COL2A1: variants seen among roughly 807,000 people sequenced by gnomAD.
The protein encoded by COL2A1 is collagen alpha-1(II) chain.
A neutral mutation model predicts 204.5 loss-of-function variants in COL2A1; 28 were observed. The observed-to-expected ratio is 0.14, with a 90% CI of 0.10 to 0.19. COL2A1 has a LOEUF of 0.19. Ranked by LOEUF, COL2A1 falls within the 10% of genes least tolerant of loss-of-function variation. COL2A1 has a pLI of 1.00. For synonymous variants in COL2A1, 708 were observed against 718.7 expected, an observed-to-expected ratio of 0.99 and a Z score of 0.24; for missense variants, 1,388 against 2,027.5, an observed-to-expected ratio of 0.68 and a Z score of 6.06.
In COL2A1 at chr12:47,991,635, C is replaced by T. The variant is rs575680505; in HGVS notation, c.1023+1243G>A. 8.5e-5 allele frequency among the ~76,000 whole-genome samples: 13 copies of T among 152,302 alleles called. No homozygotes were observed. In the South Asian group the frequency reaches 2.7e-3, roughly 32 times the overall value. ...GCCAAATCCTACACACGCTGCCAGC[C>T]TAACTACCGTGCGGACAGGAACCAA... On this transcript the variant is annotated intron_variant, in intron 16 of 53. Transcript: ENST00000380518.
Position 47,972,989 on chromosome 12 carries a change from T to C in COL2A1, c.*418A>G. 2.0e-6 allele frequency: 1 copy of C among 497,260 alleles called. No individual in the cohort carries two copies. The highest frequency in any genetic ancestry group is 3.5e-6 in the Non-Finnish European group (1 of 284,646). 30.8% of individuals were successfully genotyped at this position (497,260 alleles called of 1,614,324 possible). ...ATGTACTTTCCAATAATCTTTTCAT[T>C]TTTAATATCAATTGATGTTTTAAAA... On this transcript the variant is annotated 3_prime_UTR_variant, in exon 54 of 54. Transcript: ENST00000380518.
Position 47,985,927 on chromosome 12 carries a change from A to G in COL2A1, c.1566T>C (p.Gly522=). 1 of 1,552,248 alleles carries G rather than the reference A, an allele frequency of 6.4e-7. No homozygotes were observed. The highest frequency in any genetic ancestry group is 1.4e-5 in the African/African-American group (1 of 73,168). Residue 522 remains glycine, a synonymous_variant, in exon 24 of 54, where the codon GGT becomes GGC. Transcript: ENST00000380518. ...TCCCACTCACCTTGGGACCTGCCAG[A>G]CCATCTTGACCTGGGAAACCGCGGT... is the stretch of plus-strand genomic sequence containing the variant. ...PGNRGFPGQD[G]LAGPKGAPGE...
chr12:47,977,478 G>A, intron 45 of COL2A1, 51 bp from the exon 46 acceptor site: 1 of 1,584,174 alleles, frequency 6.3e-7, no homozygotes, highest in South Asian at 1.1e-5. Flanking sequence ...AGAAGAGACA[G>A]GAACAGAAGG....
At chr12:47,997,949 T>G (rs1940040351) in intron 5 of COL2A1, 25 bp from the exon 6 acceptor site, 1 of 1,614,018 alleles carries the variant, frequency 6.2e-7, no homozygotes, top group Admixed American at 1.7e-5. Context: ...CATGGTAAGA[T>G]GACAGCAAGG....
At chr12:47,983,657 A>G in intron 30 of COL2A1, 26 bp downstream of exon 30, 2 of 1,588,694 alleles carry the variant, frequency 1.3e-6, no homozygotes, top group Non-Finnish European at 1.7e-6. Context: ...AAAGGACTGC[A>G]CAGAGAGCCT....
Position 47,980,788 on chromosome 12 carries a change from T to C in COL2A1, c.2517+127A>G. On this transcript the variant is annotated intron_variant, in intron 38 of 53. Transcript: ENST00000380518. The surrounding 1 kb of genome is among the most constrained non-coding windows in gnomAD (Gnocchi z 4.5). The stretch of plus-strand genomic sequence containing the variant: ...GGTCTGGACATGATGGTTCTATTAG[T>C]ATGGAGGCGGGAAAGGAGAGGAGAG... 2.2e-6 allele frequency: 3 copies of C among 1,388,200 alleles called. No homozygotes were observed. Among genetic ancestry groups the C allele is most frequent in the South Asian group, 1.2e-5 (1 of 80,816 alleles). The allele number at this position is 1,388,200 out of a possible 1,614,324, so 86.0% of individuals were successfully genotyped here. A position where few individuals can be genotyped will look rare whatever the true frequency, so the allele number is the denominator to read the frequency against.
In COL2A1 at chr12:47,997,559, C is replaced by T. The variant is rs377162527; in HGVS notation, c.531+47G>A. The T allele has an allele frequency of 1.9e-6, 3 of 1,613,484 alleles. No homozygotes were observed. The African/African-American group carries it at 4.0e-5, about 22-fold the overall frequency. ...AGTGCAAGCAGCAATTTAAAAGCCA[C>T]ATTTCTGGAGGGACAGCCTGAAGGA... On this transcript the variant is annotated intron_variant, in intron 7 of 53. Transcript: ENST00000380518.
chr12:47,999,423 T>G (rs1488507019), intron 2 of COL2A1, among the ~76,000 whole-genome samples: 1 of 152,160 alleles, frequency 6.6e-6, no homozygotes, highest in African/African-American at 2.4e-5. Flanking sequence ...CTACCACCAA[T>G]GTTCCATAAC....
At position 47,980,514 on chromosome 12, in the gene COL2A1, T is replaced by C. The variant is rs1034707112; in HGVS notation, c.2625+40A>G. Reference sequence around the variant, plus strand: ...CTTCCCATCTGCACGCCAGGAGCCCTTCCTTGAGGGAACAATTCTTGGAGT... The same window carrying C: ...CTTCCCATCTGCACGCCAGGAGCCCCTCCTTGAGGGAACAATTCTTGGAGT... On this transcript the variant is annotated intron_variant, in intron 39 of 53. Transcript: ENST00000380518. This position sits in a 1 kb window ranked among gnomAD's most constrained non-coding sequence, Gnocchi z 4.5. The C allele has an allele frequency of 5.2e-6, 8 of 1,542,058 alleles. No individual in the cohort carries two copies. The highest frequency in any genetic ancestry group is 7.1e-6 in the Non-Finnish European group (8 of 1,132,562).
Position 47,994,013 on chromosome 12 carries a change from G to A in COL2A1, c.851C>T (p.Pro284Leu), listed in dbSNP as rs1939829866. 1 of 1,613,988 alleles carries A rather than the reference G, an allele frequency of 6.2e-7. No homozygotes were observed. Reference protein sequence around the residue: ...ARGFPGTPGLPGVKGHRGYPG... With the variant: ...ARGFPGTPGLLGVKGHRGYPG... ...ACTTACTCTGTGACCTTTGACACCAGGAAGGCCTGGGGTTCCTGGGAAACC... is the reference window on the plus strand; with the variant it reads ...ACTTACTCTGTGACCTTTGACACCAAGAAGGCCTGGGGTTCCTGGGAAACC... Residue 284 changes from proline (P) to leucine (L), a missense_variant, in exon 13 of 54, where the codon CCT (proline) becomes CTT (leucine). By Grantham distance (98) the Pro-to-Leu change is moderately conservative (BLOSUM62 -3). Transcript: ENST00000380518.
intron 23 of COL2A1, 43 bp downstream of exon 23, chr12:47,986,293 A>G: frequency 7.7e-7 from 1 of 1,299,252 alleles, no homozygotes; most frequent in Non-Finnish European, 1.1e-6. Flanking sequence ...TTCCCTCTCG[A>G]GGTCACAGGC....
rs1236806687 is a variant in COL2A1, at chr12:47,985,229, T to A, written c.1735-136A>T. On this transcript the variant is annotated intron_variant, in intron 26 of 53. Transcript: ENST00000380518. ...TGCTCAGCATCTAGGATTGACCACA[T>A]CACACCCATGGGCCCATCTACAACA... 4 of 764,132 alleles carry A rather than the reference T, an allele frequency of 5.2e-6. No homozygotes were observed. In the African/African-American group the frequency reaches 6.9e-5, roughly 13 times the overall value. The allele number at this position is 764,132 out of a possible 1,614,324, so 47.3% of individuals were successfully genotyped here.
intron 33 of COL2A1, 73 bp from the exon 34 acceptor site, chr12:47,982,682 T>A: frequency 7.6e-7 from 1 of 1,323,602 alleles, no homozygotes; most frequent in Non-Finnish European, 1.1e-6. Flanking sequence ...GGAGCCTGGG[T>A]AACCAGGGCC....
Position 47,974,153 on chromosome 12 carries a change from T to A in COL2A1, c.4253A>T (p.Asp1418Val). 6.2e-7 allele frequency: 1 copy of A among 1,614,158 alleles called. No homozygotes were observed. Among genetic ancestry groups the A allele is most frequent in the Non-Finnish European group, 8.5e-7 (1 of 1,180,016 alleles). The change falls in exon 53 of 54, where the codon GAC becomes GTC. Residue 1418 changes from aspartate to valine, a missense_variant. Asp to Val is a radical substitution (Grantham distance 152, BLOSUM62 -3). Coordinates refer to ENST00000380518, the MANE Select transcript of COL2A1 (RefSeq NM_001844.5). ...ATTGCCCTCTGCCCGGATCTCCACGTCATTGGAGCCCTGGATGAGCAGGGC... is the reference window on the plus strand; with the variant it reads ...ATTGCCCTCTGCCCGGATCTCCACGACATTGGAGCCCTGGATGAGCAGGGC... ...KKALLIQGSN[D>V]VEIRAEGNSR...
At chr12:47,984,917 A>T in intron 27 of COL2A1, 78 bp downstream of exon 27, 1 of 1,232,872 alleles carries the variant, frequency 8.1e-7, no homozygotes, top group Non-Finnish European at 1.2e-6. Flanking sequence ...TCTACTCAGG[A>T]CCCAGCCCTT....
At chr12:47,989,842 A>G in intron 16 of COL2A1, 37 bp from the exon 17 acceptor site, 3 of 1,605,928 alleles carry the variant, frequency 1.9e-6, no homozygotes, top group Non-Finnish European at 2.6e-6. Flanking sequence ...AGAGGTGCCC[A>G]CAGGCCCTGT....
intron 40 of COL2A1, 66 bp from the exon 41 acceptor site, chr12:47,979,630 G>T: frequency 5.1e-6 from 3 of 583,554 alleles, no homozygotes; most frequent in East Asian, 3.9e-5. Context: ...TAAAATGGGC[G>T]GGGGGCGGGG....
chr12:47,974,178 C>A lies in COL2A1; in HGVS notation c.4228G>T (p.Ala1410Ser). The change falls in exon 53 of 54, where the codon GCC becomes TCC. Residue 1410 changes from alanine (A) to serine (S), a missense_variant. Transcript: ENST00000380518. ...TCATTGGAGCCCTGGATGAGCAGGG[C>A]CTTCTTGAGGTTGCCAGCTGCTTCG... ...LDEAAGNLKK[A>S]LLIQGSNDVE... The A allele has an allele frequency of 6.2e-7, 1 of 1,614,244 alleles. No individual in the cohort carries two copies. The highest frequency in any genetic ancestry group is 8.5e-7 in the Non-Finnish European group (1 of 1,180,054).
chr12:47,994,630 G>A (rs1409801683), intron 11 of COL2A1, among the ~76,000 whole-genome samples, 153 bp from the exon 12 acceptor site: 1 of 152,224 alleles, frequency 6.6e-6, no homozygotes. Flanking sequence ...GTGCCTGGAT[G>A]CCTTTCATGG....
Sources: allele counts gnomAD v4.1 joint callset (sites outside exome capture counted in the v4.1 genomes callset), GRCh38; gene constraint gnomAD v4.1.1; non-coding constraint Gnocchi (gnomAD v3.1); transcripts MANE v1.5; gene names NCBI Gene and HGNC (gene_info 2026-07-23, HGNC 2026-07-21).